CTNNA3: variants seen among roughly 807,000 people sequenced by gnomAD.
CTNNA3 encodes the protein catenin alpha-3.
In CTNNA3, 76 loss-of-function variants were observed where a neutral mutation model predicts 95.7. The ratio of observed to expected loss-of-function variants is 0.79; its 90% CI spans 0.66 to 0.96. The LOEUF is 0.96. Ranked by LOEUF, CTNNA3 falls within the 40% of genes least tolerant of loss-of-function variation. The pLI, the probability that CTNNA3 is intolerant of heterozygous loss-of-function variation, is 0.00. For missense variants in CTNNA3, 1,191 were observed against 1,089.8 expected (o/e 1.09, Z -1.31); for synonymous variants, 431 against 374.4 (o/e 1.15, Z -1.74).
intron 5 of CTNNA3, among the ~76,000 whole-genome samples, chr10:67,243,460 T>C (rs1865794306): frequency 6.6e-6 from 1 of 152,214 alleles, no homozygotes; most frequent in Admixed American, 6.5e-5. Context: ...CAGAACTTTT[T>C]GACCAATCTT....
At chr10:66,092,118 T>C (rs2081235277) in intron 14 of CTNNA3, among the ~76,000 whole-genome samples, 1 of 151,894 alleles carries the variant, frequency 6.6e-6, no homozygotes, top group Non-Finnish European at 1.5e-5. Flanking sequence ...CCTGTCTCTC[T>C]CATTCCCAAT....
chr10:66,442,159 A>T (rs1014445786), intron 11 of CTNNA3, among the ~76,000 whole-genome samples: 2 of 152,176 alleles, frequency 1.3e-5, no homozygotes, highest in African/African-American at 4.8e-5. Flanking sequence ...TTTACACAGC[A>T]TTTACAGTAT....
intron 13 of CTNNA3, among the ~76,000 whole-genome samples, chr10:66,217,339 C>T (rs1294434697): frequency 7.5e-6 from 1 of 132,980 alleles, no homozygotes; most frequent in African/African-American, 2.9e-5. Flanking sequence ...GGCGACAGAG[C>T]GAGACTCTAT....
intron 10 of CTNNA3, among the ~76,000 whole-genome samples, chr10:66,548,168 C>T (rs867372751): frequency 2.0e-5 from 3 of 152,102 alleles, no homozygotes; most frequent in East Asian, 1.9e-4. Context: ...CCGTCCACCT[C>T]GGCCTCCCAA....
intron 7 of CTNNA3, among the ~76,000 whole-genome samples, chr10:67,096,371 T>A (rs1857994277): frequency 6.6e-6 from 1 of 151,860 alleles, no homozygotes; most frequent in Non-Finnish European, 1.5e-5. Flanking sequence ...AAGATGCAGT[T>A]AATAAAAAAA....
intron 5 of CTNNA3, among the ~76,000 whole-genome samples, chr10:67,505,924 G>T (rs552012517): frequency 1.6e-4 from 25 of 152,258 alleles, no homozygotes; most frequent in African/African-American, 6.0e-4. Context: ...AGAAAAAAAT[G>T]ATTTAAAATC....
chr10:67,580,490 A>G (rs9663606), intron 3 of CTNNA3, among the ~76,000 whole-genome samples: 33,323 of 150,104 alleles, frequency 0.22, 6,824 homozygotes, highest in African/African-American at 0.55. Flanking sequence ...GTCAGGTAGC[A>G]TGATGCCTCC....
chr10:67,637,408 G>A (rs1056645677), intron 2 of CTNNA3, among the ~76,000 whole-genome samples: 2 of 152,100 alleles, frequency 1.3e-5, no homozygotes, highest in African/African-American at 2.4e-5. Flanking sequence ...TGAAAGTGAC[G>A]GGCAGAATGG....
At chr10:67,762,959 A>G (rs576685546) in intron 1 of CTNNA3, among the ~76,000 whole-genome samples, 13 of 152,220 alleles carry the variant, frequency 8.5e-5, no homozygotes, top group African/African-American at 2.2e-4. Context: ...CTTAAGTGGG[A>G]CAGGAATTGC....
At chr10:66,498,610 AAC>A (rs1840175695) in intron 11 of CTNNA3, among the ~76,000 whole-genome samples, 1 of 152,190 alleles carries the variant, frequency 6.6e-6, no homozygotes, top group South Asian at 2.1e-4. Context: ...TGAAATTTAA[AAC>A]ACATCAGATT....
intron 9 of CTNNA3, among the ~76,000 whole-genome samples, chr10:66,727,257 C>T (rs866794790): frequency 6.6e-6 from 1 of 151,630 alleles, no homozygotes; most frequent in Admixed American, 6.6e-5. Context: ...TCTTGTGATA[C>T]AAACATTAAA....
chr10:67,464,567 C>T (rs985675708), intron 5 of CTNNA3, among the ~76,000 whole-genome samples: 1 of 151,990 alleles, frequency 6.6e-6, no homozygotes, highest in African/African-American at 2.4e-5. Context: ...TTTGAAGAGC[C>T]CAGCAGACCT....
chr10:67,579,300 G>C (rs986444879), intron 3 of CTNNA3, among the ~76,000 whole-genome samples: 2 of 146,530 alleles, frequency 1.4e-5, no homozygotes, highest in Non-Finnish European at 1.5e-5. Flanking sequence ...GAGAACATGC[G>C]GTCTTTGGTT....
intron 7 of CTNNA3, among the ~76,000 whole-genome samples, chr10:66,804,878 C>G (rs1478441937): frequency 6.6e-6 from 1 of 152,028 alleles, no homozygotes. Flanking sequence ...AACTTGGGAG[C>G]TTGAAGAGTA....
At chr10:67,067,896 G>A (rs1244711348) in intron 7 of CTNNA3, among the ~76,000 whole-genome samples, 1 of 152,294 alleles carries the variant, frequency 6.6e-6, no homozygotes, top group Non-Finnish European at 1.5e-5. Flanking sequence ...AGGGTCCATT[G>A]GCAACACAAA....
At chr10:66,025,497 C>T (rs915013275) in intron 15 of CTNNA3, among the ~76,000 whole-genome samples, 3 of 152,218 alleles carry the variant, frequency 2.0e-5, no homozygotes, top group African/African-American at 7.2e-5. Context: ...TTGCCTAGCC[C>T]TGAATACTGT....
At chr10:66,643,426 T>C (rs1845584578) in intron 9 of CTNNA3, among the ~76,000 whole-genome samples, 1 of 152,156 alleles carries the variant, frequency 6.6e-6, no homozygotes, top group Non-Finnish European at 1.5e-5. Flanking sequence ...ACATTTATTT[T>C]AGAAACTGAA....
intron 7 of CTNNA3, among the ~76,000 whole-genome samples, chr10:67,046,947 A>AC (rs1854790279): frequency 2.0e-5 from 3 of 152,216 alleles, no homozygotes; most frequent in Non-Finnish European, 4.4e-5. Flanking sequence ...GTAAAGAAGA[A>AC]ATAATTACCA....
In CTNNA3 at chr10:66,606,458, G is replaced by T. The variant is rs563212671; in HGVS notation, c.1374+15234C>A. ...AGAACTCTCCACTAAAAGCAAGAGA[G>T]AATACATTCTTCTCATCACCACATG... On this transcript the variant is annotated intron_variant, in intron 10 of 17. Coordinates refer to ENST00000433211, the MANE Select transcript of CTNNA3 (RefSeq NM_013266.4). 9.7e-4 allele frequency among the ~76,000 whole-genome samples: 147 copies of T among 152,174 alleles called. 2 individuals are homozygous for T. Among genetic ancestry groups the T allele is most frequent in the Middle Eastern group, 3.4e-3 (1 of 294 alleles).
Sources: gnomAD v4.1 joint callset for allele counts (sites outside exome capture counted in the v4.1 genomes callset) on GRCh38, gnomAD v4.1.1 for gene constraint, MANE v1.5 for transcripts, NCBI Gene and HGNC (gene_info 2026-07-23, HGNC 2026-07-21) for gene names.